The following DOP1B variants were observed in gnomAD, a reference collection of about 807,000 sequenced individuals.
DOP1B encodes the protein protein DOP1B.
Under a neutral mutation model 233.5 loss-of-function variants are expected in DOP1B, and 174 were observed. The ratio of observed to expected loss-of-function variants is 0.75; its 90% confidence interval spans 0.66 to 0.85. The LOEUF (loss-of-function observed/expected upper bound fraction) is 0.85. Among genes scored for constraint, DOP1B ranks in the 40% least tolerant of loss-of-function variants. The pLI is 0.00. For missense variants in DOP1B, 2,652 were observed against 2,846.6 expected (o/e 0.93, Z 1.56); for synonymous variants, 1,190 against 1,185.6 (o/e 1.00, Z -0.08).
chr21:36,203,994 G>A (rs1316373153), intron 4 of DOP1B, among the ~76,000 whole-genome samples: 1 of 152,132 alleles, frequency 6.6e-6, no homozygotes, highest in East Asian at 1.9e-4. Flanking sequence ...GAGGAGAGGT[G>A]AATGTTTTAA....
rs2066598310 is a variant in DOP1B at position 36,219,402 on chromosome 21, A to G, written c.1160A>G (p.Glu387Gly). 2 of 1,614,008 alleles carry G rather than the reference A, an allele frequency of 1.2e-6. No individual in the cohort carries two copies. The highest frequency in any genetic ancestry group is 1.7e-6 in the Non-Finnish European group (2 of 1,180,038). The change falls in exon 10 of 37, where the codon GAA (glutamate) becomes GGA (glycine). Residue 387 changes from glutamate (E) to glycine (G), a missense_variant. Glu to Gly is a moderately conservative substitution (Grantham distance 98, BLOSUM62 -2). Coordinates refer to ENST00000691173, the MANE Select transcript of DOP1B (RefSeq NM_001320714.2). Reference sequence around the variant, plus strand: ...CAAGTGGTTGGGAATTTGTTTCTCGAAGTCATCAGGGCCTTTTATTCTTAC... The same window carrying G: ...CAAGTGGTTGGGAATTTGTTTCTCGGAGTCATCAGGGCCTTTTATTCTTAC... ...GPQVVGNLFL[E>G]VIRAFYSYCR...
chr21:36,265,306 G>A (rs2067218728), intron 26 of DOP1B, among the ~76,000 whole-genome samples: 1 of 152,116 alleles, frequency 6.6e-6, no homozygotes. Flanking sequence ...TGAGGCAGGA[G>A]AATCGCTTGA....
intron 1 of DOP1B, among the ~76,000 whole-genome samples, chr21:36,163,379 T>A (rs2065884949): frequency 6.7e-6 from 1 of 148,288 alleles, no homozygotes; most frequent in African/African-American, 2.5e-5. Flanking sequence ...AAAGTAGTGG[T>A]GGCCTGGTGA....
intron 5 of DOP1B, among the ~76,000 whole-genome samples, chr21:36,210,185 T>A (rs115758532): frequency 2.0e-5 from 3 of 152,076 alleles, no homozygotes; most frequent in Non-Finnish European, 4.4e-5. Flanking sequence ...AGCCTAGCTT[T>A]GCTCATATGT....
chr21:36,229,212 C>T (rs1339538000), intron 13 of DOP1B, among the ~76,000 whole-genome samples: 1 of 152,116 alleles, frequency 6.6e-6, no homozygotes, highest in Non-Finnish European at 1.5e-5. Context: ...AATAAAGTAC[C>T]ACAGACTGGG....
intron 27 of DOP1B, among the ~76,000 whole-genome samples, chr21:36,276,473 G>A (rs932423535): frequency 1.3e-5 from 2 of 152,160 alleles, no homozygotes; most frequent in African/African-American, 2.4e-5. Context: ...CAAGGATAGA[G>A]TGAGCCATGA....
Position 36,293,501 on chromosome 21 carries a change from A to G in DOP1B, c.6827A>G (p.Asp2276Gly), listed in dbSNP as rs758339078. The G allele has an allele frequency of 8.7e-6, 14 of 1,614,070 alleles. No homozygotes were observed. Among genetic ancestry groups the G allele is most frequent in the African/African-American group, 1.3e-5 (1 of 74,944 alleles). The stretch of plus-strand genomic sequence containing the variant: ...CCATTCTTGGACTTTCCTGTCACAG[A>G]TAGCCCAAGGATCTTAAAACAACTG... Reference protein sequence around the residue: ...GTPFLDFPVTDSPRILKQLEE... With the variant: ...GTPFLDFPVTGSPRILKQLEE... Residue 2276 changes from aspartate to glycine, a missense_variant, in exon 37 of 37, where the codon GAT (aspartate) becomes GGT (glycine). Asp to Gly is a moderately conservative substitution (Grantham distance 94). This residue lies in a region of DOP1B where 31 missense variants were observed against 34.2 expected (regional missense o/e 0.91). Transcript: ENST00000691173.
At position 36,245,467 on chromosome 21, in the gene DOP1B, G is replaced by A; in HGVS notation, c.3487G>A (p.Ala1163Thr). ...GTACCCCAAGCGCTCGGCCCTGCTG[G>A]CGGCCTTCCAGTCAGAAAGCTTCAA... ...RAYPKRSALL[A>T]AFQSESFKAG... Residue 1163 changes from alanine (A) to threonine (T), a missense_variant, in exon 19 of 37, where the codon GCG (alanine) becomes ACG (threonine). Transcript: ENST00000691173. This position sits in a 1 kb window ranked among gnomAD's most constrained non-coding sequence, Gnocchi z 5.5. 1.2e-6 allele frequency: 2 copies of A among 1,613,888 alleles called. No individual in the cohort carries two copies. The highest frequency in any genetic ancestry group is 1.7e-6 in the Non-Finnish European group (2 of 1,180,038).
chr21:36,236,712 A>G (rs887542762), intron 15 of DOP1B, among the ~76,000 whole-genome samples: 1 of 150,850 alleles, frequency 6.6e-6, no homozygotes, highest in African/African-American at 2.4e-5. Context: ...ACCTCCTATA[A>G]CATTGCCTGC....
At position 36,208,840 on chromosome 21, in the gene DOP1B, A is replaced by T. The variant is rs767876389; in HGVS notation, c.617A>T (p.His206Leu). Reference sequence around the variant, plus strand: ...CCTGCCTCAGTCTTCGTGGTGGGCCACATCAACAGGGATGCCCCCGGCCGG... The same window carrying T: ...CCTGCCTCAGTCTTCGTGGTGGGCCTCATCAACAGGGATGCCCCCGGCCGG... ...RLPASVFVVG[H>L]INRDAPGREQ... Residue 206 changes from histidine (H) to leucine (L), a missense_variant, in exon 5 of 37, where the codon CAC (histidine) becomes CTC (leucine). By Grantham distance (99) the His-to-Leu change is moderately conservative. This residue lies in a region of DOP1B where 2,617 missense variants were observed against 2,794.3 expected (regional missense o/e 0.94). Transcript: ENST00000691173. The T allele has an allele frequency of 6.3e-7, 1 of 1,594,068 alleles. No homozygotes were observed. The highest frequency in any genetic ancestry group is 2.3e-5 in the East Asian group (1 of 43,920).
At position 36,274,183 on chromosome 21, in the gene DOP1B, C is replaced by T. The variant is rs1166207777; in HGVS notation, c.5633-2838C>T. ...GTTAGTCAAACTTTAAAAACCATCA[C>T]TTTGGCTGCTGTGATCAGTACAGTG... On this transcript the variant is annotated intron_variant, in intron 27 of 36. Coordinates refer to ENST00000691173, the MANE Select transcript of DOP1B (RefSeq NM_001320714.2). Among the ~76,000 whole-genome samples, 4 of 152,142 alleles carry T rather than the reference C, an allele frequency of 2.6e-5. No individual in the cohort carries two copies. The East Asian group carries it at 7.7e-4, about 29-fold the overall frequency.
chr21:36,280,563 A>T (rs1470609600), intron 31 of DOP1B, among the ~76,000 whole-genome samples: 2 of 152,180 alleles, frequency 1.3e-5, no homozygotes, highest in African/African-American at 2.4e-5. Context: ...CCTTTTTCAT[A>T]GTTTTATAGT....
In DOP1B at chr21:36,294,065, T is replaced by G. The variant is rs572868705; in HGVS notation, c.*494T>G. On this transcript the variant is annotated 3_prime_UTR_variant, in exon 37 of 37. Transcript: ENST00000691173. ...AAATGCCTTGTAATATATTTGAATC[T>G]GATTCTGCATTTCTTCCTCAATTTA... 3 of 154,136 alleles carry G rather than the reference T, an allele frequency of 1.9e-5. No individual in the cohort carries two copies. The highest frequency in any genetic ancestry group is 7.2e-5 in the African/African-American group (3 of 41,562). 9.5% of individuals were successfully genotyped at this position (154,136 alleles called of 1,614,324 possible).
At chr21:36,170,234 C>T in intron 2 of DOP1B, 1 of 376,528 alleles carries the variant, frequency 2.7e-6, no homozygotes, top group Non-Finnish European at 4.9e-6. Flanking sequence ...ATTTGCATTT[C>T]CCTAATGACT....
intron 2 of DOP1B, among the ~76,000 whole-genome samples, chr21:36,168,072 T>A (rs1225705556): frequency 6.6e-6 from 1 of 150,796 alleles, no homozygotes; most frequent in African/African-American, 2.4e-5. Flanking sequence ...GCCTCCCGAG[T>A]AACTGAGACT....
In DOP1B at chr21:36,230,512, C is replaced by T. The variant is rs761811224; in HGVS notation, c.1728C>T (p.Asp576=). The change falls in exon 14 of 37, where the codon GAC becomes GAT. Residue 576 remains aspartate, a synonymous_variant. Transcript: ENST00000691173. ...AAACAAAGGCAGTGATTCCCGGTGA[C>T]GAAGATGCTTCGTTTCCCCCTCTGA... ...ILETKAVIPG[D]EDASFPPLKS... The T allele has an allele frequency of 5.6e-6, 9 of 1,613,644 alleles. No individual in the cohort carries two copies. The highest frequency in any genetic ancestry group is 3.3e-5 in the South Asian group (3 of 91,080).
intron 2 of DOP1B, among the ~76,000 whole-genome samples, chr21:36,165,617 C>T (rs116642025): frequency 8.9e-4 from 135 of 152,226 alleles, no homozygotes; most frequent in African/African-American, 2.9e-3. Context: ...TGGGCTCTGC[C>T]TCCTGTCAGA....
In DOP1B at chr21:36,223,255, C is replaced by T; in HGVS notation, c.1275C>T (p.Ala425=). 1.2e-6 allele frequency: 2 copies of T among 1,607,412 alleles called. No homozygotes were observed. The highest frequency in any genetic ancestry group is 1.7e-5 in the Admixed American group (1 of 58,046). ...LISAIKENRN[A]SEIVKTVNLL... Reference sequence around the variant, plus strand: ...GTGCAATCAAGGAAAACAGAAATGCCTCTGAGATTGTCAAAACGGTAAATT... The same window carrying T: ...GTGCAATCAAGGAAAACAGAAATGCTTCTGAGATTGTCAAAACGGTAAATT... Residue 425 remains alanine (A), a synonymous_variant, in exon 11 of 37, where the codon GCC becomes GCT. Transcript: ENST00000691173.
chr21:36,189,982 C>T (rs2066212667), intron 2 of DOP1B, among the ~76,000 whole-genome samples: 1 of 139,288 alleles, frequency 7.2e-6, no homozygotes, highest in Non-Finnish European at 1.5e-5. Flanking sequence ...TGCACTCCAA[C>T]CTGGGTGACA....
Sources: gnomAD v4.1 joint callset for allele counts (sites outside exome capture counted in the v4.1 genomes callset) on GRCh38, gnomAD v4.1.1 for gene constraint, gnomAD v4.1.1 regional missense constraint, Gnocchi (gnomAD v3.1) non-coding constraint, MANE v1.5 for transcripts, NCBI Gene and HGNC (gene_info 2026-07-23, HGNC 2026-07-21) for gene names.